Variants in STAT3 observed in about 807,000 individuals in gnomAD.
STAT3 encodes DNA-binding protein APRF.
In STAT3, 7 loss-of-function variants were observed where a neutral mutation model predicts 114.3. The ratio of observed to expected loss-of-function variants is 0.06; its 90% CI spans 0.03 to 0.11. The LOEUF (loss-of-function observed/expected upper bound fraction) is 0.11, where lower values mean the gene tolerates loss of function less well. Among genes scored for constraint, STAT3 ranks in the 10% least tolerant of loss-of-function variants. The probability of loss-of-function intolerance (pLI) is 1.00; values close to 1 mark genes in which losing one functional copy is unlikely to be tolerated. For missense variants in STAT3, 364 were observed against 960.9 expected, an observed-to-expected ratio of 0.38 and a Z score of 8.21; for synonymous variants, 331 against 354.5, an observed-to-expected ratio of 0.93 and a Z score of 0.74.
chr17:42,349,289 A>C (rs1278108061), intron 1 of STAT3, among the ~76,000 whole-genome samples: 1 of 152,234 alleles, frequency 6.6e-6, no homozygotes, highest in Admixed American at 6.5e-5. Context: ...TTGTCTATAA[A>C]ATAGAGATAA....
chr17:42,316,472 G>A (rs1229636177), intron 23 of STAT3: 1 of 493,104 alleles, frequency 2.0e-6, no homozygotes, highest in African/African-American at 2.0e-5. Flanking sequence ...ACCCACCTCG[G>A]CCTCCCAAAG....
In STAT3 at chr17:42,324,881, G is replaced by A. The variant is rs1309640774; in HGVS notation, c.1465-35C>T. On this transcript the variant is annotated intron_variant, in intron 16 of 23. Transcript: ENST00000264657. The surrounding 1 kb of genome is among the most constrained non-coding windows in gnomAD (Gnocchi z 4.5). ...AGAACACATTTGCTTGTTTAGATGAGGGATGGTGCTCATTGTCTATACTAG... is the reference window on the plus strand; with the variant it reads ...AGAACACATTTGCTTGTTTAGATGAAGGATGGTGCTCATTGTCTATACTAG... 1.9e-6 allele frequency: 3 copies of A among 1,614,174 alleles called. No individual in the cohort carries two copies. The highest frequency in any genetic ancestry group is 2.5e-6 in the Non-Finnish European group (3 of 1,180,042).
intron 1 of STAT3, among the ~76,000 whole-genome samples, chr17:42,365,507 G>C (rs925463689): frequency 1.3e-5 from 2 of 152,008 alleles, no homozygotes; most frequent in African/African-American, 2.4e-5. Flanking sequence ...AGTCTGAGCT[G>C]GTTTATTGCA....
Position 42,314,228 on chromosome 17 carries a change from C to T in STAT3, c.*1517G>A, listed in dbSNP as rs75454844. The T allele has an allele frequency of 0.013, 3,038 of 232,954 alleles. 94 individuals carry two copies. The highest frequency in any genetic ancestry group is 0.063 in the African/African-American group (2,858 of 45,362). The allele number at this position is 232,954 out of a possible 1,614,324, so 14.4% of individuals were successfully genotyped here. A position where few individuals can be genotyped will look rare whatever the true frequency, so the allele number is the denominator to read the frequency against. On this transcript the variant is annotated 3_prime_UTR_variant, in exon 24 of 24. Coordinates refer to ENST00000264657, the MANE Select transcript of STAT3 (RefSeq NM_139276.3). ...TCAAGTTTATCAGTAAGCCTTTGCC[C>T]TGCATGAACTGAATGAAGACGCCAT...
intron 1 of STAT3, among the ~76,000 whole-genome samples, chr17:42,371,811 A>T (rs982492397): frequency 2.0e-5 from 3 of 151,626 alleles, no homozygotes; most frequent in African/African-American, 7.3e-5. Flanking sequence ...GTGAAACCCC[A>T]TCTCTACTAA....
intron 21 of STAT3, among the ~76,000 whole-genome samples, chr17:42,321,604 CTAA>C (rs764329344): frequency 2.0e-5 from 3 of 152,156 alleles, no homozygotes; most frequent in Non-Finnish European, 2.9e-5. Context: ...TCCCATGCAG[CTAA>C]TAATAATTTC....
At chr17:42,380,187 C>T (rs1352850905) in intron 1 of STAT3, among the ~76,000 whole-genome samples, 1 of 152,004 alleles carries the variant, frequency 6.6e-6, no homozygotes, top group East Asian at 1.9e-4. Context: ...CAGGCACCCG[C>T]CACCACAACA....
rs761693018 is a variant in STAT3, at chr17:42,339,352, G to C, written c.430C>G (p.Leu144Val). 2 of 1,614,060 alleles carry C rather than the reference G, an allele frequency of 1.2e-6. No homozygotes were observed. The highest frequency in any genetic ancestry group is 2.7e-5 in the African/African-American group (2 of 75,036). Residue 144 changes from leucine (L) to valine (V), a missense_variant, in exon 5 of 24, where the codon CTG becomes GTG. By Grantham distance (32) the Leu-to-Val change is conservative. This residue lies in a region of STAT3 where 294 missense variants were observed against 745.1 expected (regional missense o/e 0.39). Transcript: ENST00000264657. ...CGGACATCCTGAAGGTGCTGCTCCA[G>C]CATCTGCTGCTTCTCCGTCACCACG... is the stretch of plus-strand genomic sequence containing the variant. ...AAVVTEKQQMLEQHLQDVRKR... is the reference protein window; with the variant it reads ...AAVVTEKQQMVEQHLQDVRKR...
At chr17:42,326,507 TAAAAA>T (rs564681604) in intron 14 of STAT3, among the ~76,000 whole-genome samples, 26 of 142,298 alleles carry the variant, frequency 1.8e-4, no homozygotes, top group African/African-American at 6.6e-4. Context: ...GACCCTGTCT[TAAAAA>T]AAAATTAAAT....
At chr17:42,372,943 C>T (rs747097599) in intron 1 of STAT3, among the ~76,000 whole-genome samples, 18 of 152,060 alleles carry the variant, frequency 1.2e-4, no homozygotes, top group African/African-American at 3.6e-4. Context: ...TTGTAAGGGA[C>T]GTACTATACT....
At chr17:42,365,467 T>C (rs2083727337) in intron 1 of STAT3, among the ~76,000 whole-genome samples, 1 of 151,524 alleles carries the variant, frequency 6.6e-6, no homozygotes, top group Non-Finnish European at 1.5e-5. Context: ...TCTTCGAACA[T>C]AGTCAAATGA....
chr17:42,332,673 T>C (rs966650395), intron 10 of STAT3, among the ~76,000 whole-genome samples: 5 of 151,300 alleles, frequency 3.3e-5, no homozygotes, highest in African/African-American at 4.9e-5. Context: ...AGAAACCCTG[T>C]CTCTACTAAA....
At chr17:42,373,357 A>T (rs907985074) in intron 1 of STAT3, among the ~76,000 whole-genome samples, 3 of 151,820 alleles carry the variant, frequency 2.0e-5, no homozygotes, top group African/African-American at 7.3e-5. Flanking sequence ...TCTCAAAAAA[A>T]AGAAAAGAAA....
intron 1 of STAT3, among the ~76,000 whole-genome samples, chr17:42,365,772 C>T (rs969329126): frequency 1.3e-5 from 2 of 151,462 alleles, no homozygotes; most frequent in African/African-American, 4.9e-5. Flanking sequence ...TCTCCTGCCT[C>T]AACCTCCCAA....
intron 1 of STAT3, among the ~76,000 whole-genome samples, chr17:42,368,719 C>T (rs1376631758): frequency 6.6e-6 from 1 of 151,364 alleles, no homozygotes; most frequent in Non-Finnish European, 1.5e-5. Flanking sequence ...CTCAGCCTCC[C>T]AATGCAACCA....
intron 21 of STAT3, among the ~76,000 whole-genome samples, chr17:42,317,723 AAGGTT>A (rs2081306727): frequency 6.6e-6 from 1 of 152,186 alleles, no homozygotes; most frequent in Admixed American, 6.5e-5. Context: ...TCCAAAGCCA[AAGGTT>A]ATATCTCTTA....
chr17:42,335,339 G>A (rs1051603785), intron 8 of STAT3, among the ~76,000 whole-genome samples: 1 of 152,070 alleles, frequency 6.6e-6, no homozygotes, highest in Non-Finnish European at 1.5e-5. Context: ...CCAGGCTGAA[G>A]TGTAATGGCA....
chr17:42,373,305 A>G (rs1232119412), intron 1 of STAT3, among the ~76,000 whole-genome samples: 3 of 151,842 alleles, frequency 2.0e-5, no homozygotes, highest in East Asian at 1.9e-4. Flanking sequence ...AGCCGAGATC[A>G]TGCCATTGCA....
intron 14 of STAT3, 25 bp from the exon 15 acceptor site, chr17:42,326,224 T>C (rs529637168): frequency 6.2e-7 from 1 of 1,609,346 alleles, no homozygotes; most frequent in African/African-American, 1.3e-5. Flanking sequence ...AGGACACTCT[T>C]AGGCCAGGTG....
Sources: allele counts gnomAD v4.1 joint callset (sites outside exome capture counted in the v4.1 genomes callset), GRCh38; gene constraint gnomAD v4.1.1; regional missense constraint gnomAD v4.1.1; non-coding constraint Gnocchi (gnomAD v3.1); transcripts MANE v1.5; gene names NCBI Gene and HGNC (gene_info 2026-07-23, HGNC 2026-07-21).